Variants in GRIN2B observed in about 807,000 individuals in gnomAD.
GRIN2B encodes glutamate ionotropic receptor NMDA type subunit 2B.
Under a neutral mutation model 114.5 loss-of-function variants are expected in GRIN2B, and 5 were observed. The observed-to-expected ratio is 0.04, with a 90% CI of 0.02 to 0.09. GRIN2B has a LOEUF of 0.09. Among genes scored for constraint, GRIN2B ranks in the 10% least tolerant of loss-of-function variants. The pLI, the probability that GRIN2B is intolerant of heterozygous loss-of-function variation, is 1.00. For missense variants in GRIN2B, 1,108 were observed against 1,943.5 expected, an observed-to-expected ratio of 0.57 and a Z score of 8.08; for synonymous variants, 787 against 745.1, an observed-to-expected ratio of 1.06 and a Z score of -0.92.
intron 4 of GRIN2B, among the ~76,000 whole-genome samples, chr12:13,747,362 T>G (rs1299127597): frequency 6.6e-6 from 1 of 152,232 alleles, no homozygotes. Context: ...CAGAAGAGTT[T>G]GAATCGTCCT....
Position 13,831,612 on chromosome 12 carries a change from A to G in GRIN2B, c.411+34186T>C, listed in dbSNP as rs556314601. On this transcript the variant is annotated intron_variant, in intron 3 of 13. Coordinates refer to ENST00000609686, the MANE Select transcript of GRIN2B (RefSeq NM_000834.5). The stretch of plus-strand genomic sequence containing the variant: ...GTAGGAGAAAGGGAACACGTTAGGA[A>G]TAGGCAAGGACAGTAGAAGAAGAAA... Among the ~76,000 whole-genome samples, 1,091 of 152,332 alleles carry G rather than the reference A, an allele frequency of 7.2e-3. 7 individuals carry two copies. The highest frequency in any genetic ancestry group is 0.042 in the South Asian group (204 of 4,830).
At chr12:13,649,325 G>A (rs1949793576) in intron 5 of GRIN2B, among the ~76,000 whole-genome samples, 1 of 152,034 alleles carries the variant, frequency 6.6e-6, no homozygotes, top group Admixed American at 6.6e-5. Flanking sequence ...TAGGTTTTCG[G>A]CTGAAGCTTC....
rs200589298 is a variant in GRIN2B at position 13,562,334 on chromosome 12, C to T, written c.*449G>A. ...TCACAAGCAGTGTGCTAAATGGTCT[C>T]ACATAGATGCTTTTGCTTCCTCACC... On this transcript the variant is annotated 3_prime_UTR_variant, in exon 14 of 14. Transcript: ENST00000609686. The T allele has an allele frequency of 2.3e-4, 45 of 193,430 alleles. No individual in the cohort carries two copies. Among genetic ancestry groups the T allele is most frequent in the Admixed American group, 5.3e-4 (10 of 18,852 alleles). The allele number at this position is 193,430 out of a possible 1,614,324, so 12.0% of individuals were successfully genotyped here.
intron 3 of GRIN2B, among the ~76,000 whole-genome samples, chr12:13,809,696 T>C (rs1864690084): frequency 6.6e-6 from 1 of 152,176 alleles, no homozygotes; most frequent in Non-Finnish European, 1.5e-5. Context: ...GATGAGTTCC[T>C]CAAAGGCAGG....
intron 5 of GRIN2B, among the ~76,000 whole-genome samples, chr12:13,643,485 G>A (rs1220125427): frequency 2.0e-5 from 3 of 152,118 alleles, no homozygotes; most frequent in South Asian, 2.1e-4. Context: ...GGAGGATCTC[G>A]CCTCCACGTT....
At chr12:13,663,937 G>C (rs1949949763) in intron 5 of GRIN2B, among the ~76,000 whole-genome samples, 1 of 152,168 alleles carries the variant, frequency 6.6e-6, no homozygotes, top group African/African-American at 2.4e-5. Flanking sequence ...AATTTTACAT[G>C]AATTATAATT....
At chr12:13,568,170 A>T (rs1192794518) in intron 12 of GRIN2B, among the ~76,000 whole-genome samples, 1 of 152,176 alleles carries the variant, frequency 6.6e-6, no homozygotes, top group Non-Finnish European at 1.5e-5. Context: ...CTCATGTCAG[A>T]TTTCAATGAC....
intron 2 of GRIN2B, among the ~76,000 whole-genome samples, chr12:13,893,715 C>T (rs954650129): frequency 7.9e-5 from 12 of 151,956 alleles, no homozygotes; most frequent in African/African-American, 2.9e-4. Context: ...TGAAAGCCAT[C>T]TACTCAAAAG....
intron 3 of GRIN2B, among the ~76,000 whole-genome samples, chr12:13,855,828 G>A (rs893973394): frequency 2.0e-5 from 3 of 152,170 alleles, no homozygotes; most frequent in African/African-American, 7.2e-5. Flanking sequence ...CCTATCTTTT[G>A]AAGGATCACC....
intron 5 of GRIN2B, among the ~76,000 whole-genome samples, chr12:13,666,085 T>C (rs779593185): frequency 7.9e-5 from 12 of 152,094 alleles, no homozygotes; most frequent in African/African-American, 2.9e-4. Flanking sequence ...CACCAGAAGT[T>C]TGGTGTGAGC....
chr12:13,850,031 C>G (rs1171356896), intron 3 of GRIN2B, among the ~76,000 whole-genome samples: 1 of 152,120 alleles, frequency 6.6e-6, no homozygotes, highest in Non-Finnish European at 1.5e-5. Context: ...TGCTGAAGGA[C>G]CAGCAATGGG....
intron 4 of GRIN2B, among the ~76,000 whole-genome samples, chr12:13,704,563 T>C (rs1950342015): frequency 6.6e-6 from 1 of 152,060 alleles, no homozygotes; most frequent in Non-Finnish European, 1.5e-5. Context: ...TCCCAATCTC[T>C]AGGAGACACC....
At chr12:13,728,804 A>G (rs1863035879) in intron 4 of GRIN2B, among the ~76,000 whole-genome samples, 1 of 152,184 alleles carries the variant, frequency 6.6e-6, no homozygotes, top group South Asian at 2.1e-4. Flanking sequence ...ACCAACAGTC[A>G]CCTGTAAGTT....
intron 2 of GRIN2B, among the ~76,000 whole-genome samples, chr12:13,893,834 A>C (rs1184793799): frequency 6.6e-6 from 1 of 152,066 alleles, no homozygotes; most frequent in Admixed American, 6.6e-5. Context: ...TTTAAAAAAA[A>C]GAAGGGGGCT....
intron 2 of GRIN2B, among the ~76,000 whole-genome samples, chr12:13,873,082 T>C (rs1484810022): frequency 1.3e-5 from 2 of 152,222 alleles, no homozygotes; most frequent in Non-Finnish European, 2.9e-5. Flanking sequence ...AACTGTGCTA[T>C]GAACTAAGAA....
intron 5 of GRIN2B, among the ~76,000 whole-genome samples, chr12:13,630,757 G>C (rs1474175929): frequency 6.6e-6 from 1 of 152,098 alleles, no homozygotes; most frequent in Non-Finnish European, 1.5e-5. Context: ...ACCCAAAGAA[G>C]GCTGAGTAAT....
chr12:13,905,540 G>T (rs1866523083), intron 2 of GRIN2B, among the ~76,000 whole-genome samples: 1 of 152,112 alleles, frequency 6.6e-6, no homozygotes, highest in African/African-American at 2.4e-5. Flanking sequence ...GTGCTGATCT[G>T]TTTCTGCACT....
intron 3 of GRIN2B, among the ~76,000 whole-genome samples, chr12:13,795,077 T>G (rs538471622): frequency 4.7e-4 from 72 of 152,274 alleles, no homozygotes; most frequent in African/African-American, 1.7e-3. Flanking sequence ...TGCTCACTCA[T>G]GAGAATTCAG....
chr12:13,733,908 A>G (rs757248107), intron 4 of GRIN2B, among the ~76,000 whole-genome samples: 1 of 152,232 alleles, frequency 6.6e-6, no homozygotes, highest in East Asian at 1.9e-4. Context: ...AACCAATCAA[A>G]GTCTGAAAAG....
Sources: allele counts gnomAD v4.1 joint callset (sites outside exome capture counted in the v4.1 genomes callset), GRCh38; gene constraint gnomAD v4.1.1; transcripts MANE v1.5; gene names NCBI Gene and HGNC (gene_info 2026-07-23, HGNC 2026-07-21).